Variants in SYBU observed in about 807,000 individuals in gnomAD.
The protein encoded by SYBU is syntabulin.
In SYBU, 21 loss-of-function variants were observed where a neutral mutation model predicts 35.9. That is an observed-to-expected ratio of 0.58 (90% CI 0.41 to 0.84). The LOEUF (loss-of-function observed/expected upper bound fraction) is 0.84, where lower values mean the gene tolerates loss of function less well. SYBU is among the 40% of genes least tolerant of loss of function. The probability of loss-of-function intolerance (pLI) is 0.00; values close to 1 mark genes in which losing one functional copy is unlikely to be tolerated. For synonymous variants in SYBU, 319 were observed against 324.3 expected (o/e 0.98, Z 0.18); for missense variants, 768 against 848.2 (o/e 0.91, Z 1.17).
chr8:109,684,021 T>C (rs1458052438), upstream of SYBU, among the ~76,000 whole-genome samples: 1 of 152,222 alleles, frequency 6.6e-6, no homozygotes, highest in African/African-American at 2.4e-5. Flanking sequence ...CCTTTATAAA[T>C]TACCCAGTCT....
chr8:109,644,369 T>C, intron 1 of SYBU: 1 of 611,880 alleles, frequency 1.6e-6, no homozygotes, highest in East Asian at 2.8e-5. Flanking sequence ...AACTGAAAGC[T>C]ACACCCCACA....
Position 109,575,171 on chromosome 8 carries a change from T to G in SYBU, c.1727A>C (p.Glu576Ala). Residue 576 changes from glutamate (E) to alanine (A), a missense_variant, in exon 7 of 7, where the codon GAG (glutamate) becomes GCG (alanine). Physicochemically the swap from Glu to Ala is moderately radical, Grantham distance 107. Coordinates refer to ENST00000276646, the MANE Select transcript of SYBU (RefSeq NM_001099754.2). ...TTCCACGCAGGCTGCAAAATCCAGCTCTCTCATGAGGCGGTTTGCATGAAC... is the reference window on the plus strand; with the variant it reads ...TTCCACGCAGGCTGCAAAATCCAGCGCTCTCATGAGGCGGTTTGCATGAAC... ...AEVHANRLMR[E>A]LDFAACVEER... The G allele has an allele frequency of 1.2e-6, 2 of 1,614,164 alleles. No homozygotes were observed. The highest frequency in any genetic ancestry group is 1.7e-6 in the Non-Finnish European group (2 of 1,180,020).
intron 1 of SYBU, among the ~76,000 whole-genome samples, chr8:109,653,188 T>C (rs947101544): frequency 6.6e-6 from 1 of 152,200 alleles, no homozygotes; most frequent in Admixed American, 6.5e-5. Context: ...GCATCTATTT[T>C]ATTTTTTAAA....
intron 1 of SYBU, among the ~76,000 whole-genome samples, chr8:109,669,365 A>C (rs1271277828): frequency 6.7e-6 from 1 of 149,634 alleles, no homozygotes; most frequent in Non-Finnish European, 1.5e-5. Flanking sequence ...AAAAAAAAAA[A>C]AAACAACTGA....
chr8:109,574,654 A>G lies in SYBU; in HGVS notation c.*252T>C, dbSNP rs1011681195. 4 of 375,464 alleles carry G rather than the reference A, an allele frequency of 1.1e-5. No homozygotes were observed. The highest frequency in any genetic ancestry group is 1.9e-5 in the Non-Finnish European group (4 of 211,042). 23.3% of individuals were successfully genotyped at this position (375,464 alleles called of 1,614,324 possible). A position where few individuals can be genotyped will look rare whatever the true frequency, so the allele number is the denominator to read the frequency against. On this transcript the variant is annotated 3_prime_UTR_variant, in exon 7 of 7. Coordinates refer to ENST00000276646, the MANE Select transcript of SYBU (RefSeq NM_001099754.2). ...CCACTAGGATAAGAACGGGTACCTC[A>G]GACGACACGGCAGGGTCATGAGCAT...
upstream of SYBU, among the ~76,000 whole-genome samples, chr8:109,685,925 A>G (rs1817509843): frequency 6.6e-6 from 1 of 152,218 alleles, no homozygotes; most frequent in Non-Finnish European, 1.5e-5. Flanking sequence ...AACTTAATGA[A>G]TCAAGAAATT....
At chr8:109,624,146 T>G (rs917037212) in intron 2 of SYBU, among the ~76,000 whole-genome samples, 10 of 152,070 alleles carry the variant, frequency 6.6e-5, no homozygotes, top group Non-Finnish European at 1.5e-4. Context: ...TGCAAGTGAC[T>G]GATAATCACT....
At chr8:109,590,975 A>G (rs950902518) in intron 3 of SYBU, among the ~76,000 whole-genome samples, 1 of 152,198 alleles carries the variant, frequency 6.6e-6, no homozygotes, top group Non-Finnish European at 1.5e-5. Context: ...GTGAAAACAG[A>G]GTTAGTAAGA....
intron 2 of SYBU, among the ~76,000 whole-genome samples, chr8:109,635,134 T>C (rs1814075400): frequency 6.6e-6 from 1 of 152,254 alleles, no homozygotes; most frequent in Non-Finnish European, 1.5e-5. Flanking sequence ...GAGAGGTTGA[T>C]ACATCCCATC....
At chr8:109,597,004 T>C (rs954884152) in intron 3 of SYBU, among the ~76,000 whole-genome samples, 2 of 152,236 alleles carry the variant, frequency 1.3e-5, no homozygotes, top group African/African-American at 4.8e-5. Flanking sequence ...CTAGAATCTC[T>C]GTTTTACCTT....
At chr8:109,576,119 G>A in intron 6 of SYBU, 106 bp from the exon 7 acceptor site, 2 of 1,302,074 alleles carry the variant, frequency 1.5e-6, no homozygotes, top group South Asian at 3.3e-5. Flanking sequence ...ACAGAGCCAA[G>A]AGCTCATACT....
intron 1 of SYBU, among the ~76,000 whole-genome samples, chr8:109,659,808 A>G (rs1443982181): frequency 6.6e-6 from 1 of 152,200 alleles, no homozygotes; most frequent in East Asian, 1.9e-4. Flanking sequence ...GGGAAAATAT[A>G]TATTTACTAT....
At chr8:109,624,141 G>C in intron 2 of SYBU, among the ~76,000 whole-genome samples, 1 of 152,008 alleles carries the variant, frequency 6.6e-6, no homozygotes. Flanking sequence ...ATAAATGCAA[G>C]TGACTGATAA....
chr8:109,627,672 T>C (rs1331537514), intron 2 of SYBU, among the ~76,000 whole-genome samples: 1 of 152,216 alleles, frequency 6.6e-6, no homozygotes, highest in Non-Finnish European at 1.5e-5. Flanking sequence ...TCTAAAATTT[T>C]CAAGTTATGT....
At chr8:109,579,722 T>C (rs1215669976) in intron 5 of SYBU, 77 bp downstream of exon 5, 2 of 1,190,002 alleles carry the variant, frequency 1.7e-6, no homozygotes, top group African/African-American at 1.5e-5. Flanking sequence ...GTTGTATAAC[T>C]TTTTTTTTTC....
At chr8:109,583,117 C>T (rs766151635) in intron 4 of SYBU, among the ~76,000 whole-genome samples, 2 of 152,202 alleles carry the variant, frequency 1.3e-5, no homozygotes, top group Non-Finnish European at 2.9e-5. Flanking sequence ...GCAACAGCAA[C>T]AGTACCATGT....
chr8:109,630,790 T>C (rs1288732043), intron 2 of SYBU, among the ~76,000 whole-genome samples: 2 of 152,128 alleles, frequency 1.3e-5, no homozygotes, highest in Non-Finnish European at 2.9e-5. Context: ...AAGTAGGCAC[T>C]TGGATAAGTG....
intron 1 of SYBU, among the ~76,000 whole-genome samples, chr8:109,678,407 TG>T (rs1373289430): frequency 6.9e-6 from 1 of 143,978 alleles, no homozygotes; most frequent in Non-Finnish European, 1.5e-5. Flanking sequence ...TGTCTGGGGG[TG>T]GGGTGGAAGA....
At chr8:109,678,134 CAAAAAAAAAAAAAA>C (rs758399888) in intron 1 of SYBU, among the ~76,000 whole-genome samples, 3 of 43,156 alleles carry the variant, frequency 7.0e-5, no homozygotes, top group East Asian at 1.0e-3. Flanking sequence ...AACTCCACCT[CAAAAAAAAAAAAAA>C]AAAAAAAAAA....
Sources: gnomAD v4.1 joint callset for allele counts (sites outside exome capture counted in the v4.1 genomes callset) on GRCh38, gnomAD v4.1.1 for gene constraint, MANE v1.5 for transcripts, NCBI Gene and HGNC (gene_info 2026-07-23, HGNC 2026-07-21) for gene names.